Variants in ERVV-2 observed in about 807,000 individuals in gnomAD.
ERVV-2 encodes endogenous retrovirus group V member 2 Env polyprotein.
For synonymous variants in ERVV-2, 105 were observed against 184.6 expected, an observed-to-expected ratio of 0.57 and a Z score of 3.49; for missense variants, 291 against 495.1, an observed-to-expected ratio of 0.59 and a Z score of 3.91.
intron 1 of ERVV-2, among the ~76,000 whole-genome samples, chr19:53,048,258 C>A (rs980844218): frequency 3.0e-4 from 45 of 152,206 alleles, no homozygotes; most frequent in African/African-American, 1.0e-3. Context: ...CCTGTAATCT[C>A]AGCTACTCGA....
rs1301615599 is a variant in ERVV-2, at chr19:53,050,876, G to A, written c.*17G>A. The A allele has an allele frequency of 1.3e-6, 2 of 1,499,754 alleles. No homozygotes were observed. The highest frequency in any genetic ancestry group is 1.4e-5 in the African/African-American group (1 of 71,684). The allele number at this position is 1,499,754 out of a possible 1,614,324, so 92.9% of individuals were successfully genotyped here. A position where few individuals can be genotyped will look rare whatever the true frequency, so the allele number is the denominator to read the frequency against. ...TCTCTCTGAGACAGAGCAAGAGAGG[G>A]AGACCCTGATGACTTCTTCGCCCCA... On this transcript the variant is annotated 3_prime_UTR_variant, in exon 2 of 2. Coordinates refer to ENST00000601417, the MANE Select transcript of ERVV-2 (RefSeq NM_001191055.2).
In ERVV-2 at chr19:53,049,992, G is replaced by A; in HGVS notation, c.741G>A (p.Trp247Ter). The A allele has an allele frequency of 2.0e-6, 3 of 1,501,602 alleles. No individual in the cohort carries two copies. The highest frequency in any genetic ancestry group is 2.7e-6 in the Non-Finnish European group (3 of 1,126,872). The allele number at this position is 1,501,602 out of a possible 1,614,324, so 93.0% of individuals were successfully genotyped here. ...GGTTCGACAGCCACATCCCCCGGTG[G>A]GCCTGTACCCCTCCTGGCTATGTAT... ...HKWFDSHIPR[W>*]ACTPPGYVFL... Residue 247 changes from tryptophan to a stop codon, truncating the protein, a stop_gained, in exon 2 of 2, where the codon TGG (tryptophan) becomes TGA (stop). Transcript: ENST00000601417. LOFTEE classifies it low-confidence loss of function (END_TRUNC).
intron 1 of ERVV-2, among the ~76,000 whole-genome samples, chr19:53,047,836 C>G (rs2083896812): frequency 2.0e-5 from 3 of 152,134 alleles, no homozygotes; most frequent in Non-Finnish European, 4.4e-5. Flanking sequence ...AAAGGTTGAT[C>G]CCCAGATTGT....
intron 1 of ERVV-2, among the ~76,000 whole-genome samples, chr19:53,048,333 C>A (rs1221017585): frequency 1.3e-5 from 2 of 151,962 alleles, no homozygotes; most frequent in African/African-American, 4.8e-5. Flanking sequence ...TGAGATCGCA[C>A]CATTGCACTC....
chr19:53,045,555 C>A (rs1004113103), intron 1 of ERVV-2, among the ~76,000 whole-genome samples: 2 of 152,136 alleles, frequency 1.3e-5, no homozygotes, highest in African/African-American at 4.8e-5. Context: ...CCCACCTCGG[C>A]CTCCCAAACT....
chr19:53,045,343 C>T (rs2083886817), intron 1 of ERVV-2, among the ~76,000 whole-genome samples: 1 of 151,974 alleles, frequency 6.6e-6, no homozygotes, highest in Non-Finnish European at 1.5e-5. Context: ...CACTCTGTCG[C>T]CCAGGCTGGA....
At chr19:53,047,055 C>G (rs1051749607) in intron 1 of ERVV-2, among the ~76,000 whole-genome samples, 2 of 151,894 alleles carry the variant, frequency 1.3e-5, no homozygotes, top group Non-Finnish European at 2.9e-5. Context: ...GCTATTCAGG[C>G]GGCTGAGGCA....
chr19:53,045,186 G>T (rs1041695438), intron 1 of ERVV-2, among the ~76,000 whole-genome samples: 3 of 152,172 alleles, frequency 2.0e-5, no homozygotes, highest in Non-Finnish European at 2.9e-5. Flanking sequence ...AAGCAGAGGA[G>T]GGAGGATTTA....
At chr19:53,046,287 C>A (rs2145385029) in intron 1 of ERVV-2, among the ~76,000 whole-genome samples, 1 of 152,032 alleles carries the variant, frequency 6.6e-6, no homozygotes, top group Admixed American at 6.6e-5. Flanking sequence ...AGAAAGAAAT[C>A]CCTCACTTAT....
chr19:53,046,425 C>A (rs2083891306), intron 1 of ERVV-2, among the ~76,000 whole-genome samples: 1 of 152,174 alleles, frequency 6.6e-6, no homozygotes, highest in African/African-American at 2.4e-5. Flanking sequence ...CTCTGTACAA[C>A]CAGGGTTTCC....
intron 1 of ERVV-2, among the ~76,000 whole-genome samples, chr19:53,046,881 G>A (rs940463243): frequency 2.6e-5 from 4 of 152,110 alleles, no homozygotes; most frequent in African/African-American, 7.2e-5. Context: ...GAGAAACCCC[G>A]TATCGGCTGG....
intron 1 of ERVV-2, among the ~76,000 whole-genome samples, chr19:53,045,240 G>A (rs1008337536): frequency 1.3e-5 from 2 of 152,126 alleles, no homozygotes; most frequent in Admixed American, 6.5e-5. Context: ...GACCCTTCTT[G>A]CAGGAGGCTT....
In ERVV-2 at chr19:53,050,097, C is replaced by G; in HGVS notation, c.846C>G (p.Asn282Lys). 1 of 1,474,522 alleles carries G rather than the reference C, an allele frequency of 6.8e-7. No individual in the cohort carries two copies. The highest frequency in any genetic ancestry group is 1.5e-5 in the African/African-American group (1 of 67,212). 91.3% of individuals were successfully genotyped at this position (1,474,522 alleles called of 1,614,324 possible). Residue 282 changes from asparagine to lysine, a missense_variant, in exon 2 of 2, where the codon AAC becomes AAG. By Grantham distance (94) the Asn-to-Lys change is moderately conservative. Coordinates refer to ENST00000601417, the MANE Select transcript of ERVV-2 (RefSeq NM_001191055.2). ...KITYSTPPVA[N>K]LYTCINNIQH... ...CCTATTCAACCCCCCCTGTGGCAAA[C>G]CTCTACACTTGCATTAATAACATCC...
At position 53,050,475 on chromosome 19, in the gene ERVV-2, T is replaced by C. The variant is rs1477224705; in HGVS notation, c.1224T>C (p.Val408=). 5 of 723,246 alleles carry C rather than the reference T, an allele frequency of 6.9e-6. No homozygotes were observed. Among genetic ancestry groups the C allele is most frequent in the Non-Finnish European group, 1.2e-5 (5 of 403,542 alleles). 44.8% of individuals were successfully genotyped at this position (723,246 alleles called of 1,614,324 possible). A position where few individuals can be genotyped will look rare whatever the true frequency, so the allele number is the denominator to read the frequency against. The change falls in exon 2 of 2, where the codon GTT becomes GTC. Residue 408 remains valine, a synonymous_variant. Coordinates refer to ENST00000601417, the MANE Select transcript of ERVV-2 (RefSeq NM_001191055.2). ...CAGTGATCAATAAATCCTGTTGCGT[T>C]TATGTCAATAACAGTGGGGCGATAG... ...VCAVINKSCC[V]YVNNSGAIEE... is the part of the protein sequence containing the mutation.
chr19:53,048,723 A>G (rs2083900297), intron 1 of ERVV-2, 144 bp from the exon 2 acceptor site: 2 of 165,248 alleles, frequency 1.2e-5, no homozygotes, highest in Admixed American at 5.6e-5. Context: ...GAGTTTGGAC[A>G]AAAGGTACTG....
Position 53,050,961 on chromosome 19 carries a change from G to T in ERVV-2, c.*102G>T. ...GTCCTTACAACCAGAGCTTTTCAGG[G>T]TCTCCATCTCTTGAGGAGGGAAATA... On this transcript the variant is annotated 3_prime_UTR_variant, in exon 2 of 2. Transcript: ENST00000601417. 1.7e-6 allele frequency: 2 copies of T among 1,145,132 alleles called. No individual in the cohort carries two copies. The highest frequency in any genetic ancestry group is 1.7e-5 in the South Asian group (1 of 60,052). The allele number at this position is 1,145,132 out of a possible 1,614,324, so 70.9% of individuals were successfully genotyped here. A position where few individuals can be genotyped will look rare whatever the true frequency, so the allele number is the denominator to read the frequency against.
intron 1 of ERVV-2, among the ~76,000 whole-genome samples, chr19:53,048,230 C>T (rs752260127): frequency 2.0e-5 from 3 of 151,988 alleles, no homozygotes; most frequent in East Asian, 1.9e-4. Context: ...AAAAATTAGC[C>T]GGGCATGGTG....
At chr19:53,045,497 T>G (rs1234643049) in intron 1 of ERVV-2, among the ~76,000 whole-genome samples, 1 of 152,066 alleles carries the variant, frequency 6.6e-6, no homozygotes, top group Non-Finnish European at 1.5e-5. Flanking sequence ...GAGACAGAGT[T>G]TCACCATATT....
intron 1 of ERVV-2, among the ~76,000 whole-genome samples, chr19:53,045,282 CA>C (rs1311290883): frequency 6.6e-6 from 1 of 151,162 alleles, no homozygotes; most frequent in African/African-American, 2.4e-5. Context: ...CCTGGCTGTG[CA>C]GTGACTGGGG....
Sources: allele counts gnomAD v4.1 joint callset (sites outside exome capture counted in the v4.1 genomes callset), GRCh38; gene constraint gnomAD v4.1.1; transcripts MANE v1.5; gene names NCBI Gene and HGNC (gene_info 2026-07-23, HGNC 2026-07-21).